The following ACACB variants were observed in gnomAD, a reference collection of about 807,000 sequenced individuals.
The protein encoded by ACACB is acetyl-CoA carboxylase beta.
ACACB carries 209 observed loss-of-function variants against 278.8 expected under a neutral mutation model. The observed-to-expected ratio is 0.75, with a 90% CI of 0.67 to 0.84. ACACB has a LOEUF of 0.84. ACACB is among the 40% of genes least tolerant of loss of function. ACACB has a pLI of 0.00. For missense variants in ACACB, 2,850 were observed against 3,269.0 expected, an observed-to-expected ratio of 0.87 and a Z score of 3.13; for synonymous variants, 1,174 against 1,285.6, an observed-to-expected ratio of 0.91 and a Z score of 1.86.
intron 2 of ACACB, among the ~76,000 whole-genome samples, chr12:109,142,188 A>C (rs911556926): frequency 2.6e-5 from 4 of 152,294 alleles, no homozygotes; most frequent in South Asian, 4.1e-4. Flanking sequence ...GTTTGTGGTT[A>C]TAGTGAGCTA....
At chr12:109,187,210 C>G (rs1238124412) in intron 12 of ACACB, among the ~76,000 whole-genome samples, 3 of 152,034 alleles carry the variant, frequency 2.0e-5, no homozygotes, top group Non-Finnish European at 4.4e-5. Context: ...TGGCCTCTTC[C>G]CTAGCAGCAA....
intron 20 of ACACB, 99 bp from the exon 21 acceptor site, chr12:109,209,066 G>A: frequency 7.5e-7 from 1 of 1,339,392 alleles, no homozygotes; most frequent in Non-Finnish European, 1.0e-6. Context: ...TTGAGTGCAT[G>A]GGGTCAGGAT....
intron 11 of ACACB, among the ~76,000 whole-genome samples, chr12:109,185,188 C>G (rs1192962144): frequency 6.6e-6 from 1 of 152,184 alleles, no homozygotes; most frequent in African/African-American, 2.4e-5. Flanking sequence ...CTACTTTTTA[C>G]CCATTCTTCA....
chr12:109,133,825 C>T (rs1380572130), intron 1 of ACACB, among the ~76,000 whole-genome samples: 4 of 106,340 alleles, frequency 3.8e-5, no homozygotes, highest in African/African-American at 1.3e-4. Flanking sequence ...GGTTGGTGCT[C>T]AATGTGTGTG....
intron 13 of ACACB, among the ~76,000 whole-genome samples, chr12:109,191,165 C>T (rs4766538): frequency 0.45 from 67,874 of 151,072 alleles, 16,553 homozygotes; most frequent in Middle Eastern, 0.66. Flanking sequence ...TAAACCCTGG[C>T]GCTGATTCAA....
rs867611491 is a variant in ACACB, at chr12:109,140,296, T to A, written c.653+238T>A. On this transcript the variant is annotated intron_variant, in intron 2 of 52. Transcript: ENST00000338432. Reference sequence around the variant, plus strand: ...TTTCCTTCCTTCCTTCCTTCCTTCCTTCCTTCCTTCCTTCCTTCCTTCCTT... The same window carrying A: ...TTTCCTTCCTTCCTTCCTTCCTTCCATCCTTCCTTCCTTCCTTCCTTCCTT... 1.1e-3 allele frequency among the ~76,000 whole-genome samples: 126 copies of A among 116,428 alleles called. 4 individuals are homozygous for A. Among genetic ancestry groups the A allele is most frequent in the African/African-American group, 3.5e-3 (96 of 27,476 alleles). The allele number at this position is 116,428 out of a possible 152,430, so 76.4% of individuals were successfully genotyped here.
At chr12:109,258,863 C>A in intron 46 of ACACB, 110 bp from the exon 47 acceptor site, 1 of 1,412,056 alleles carries the variant, frequency 7.1e-7, no homozygotes, top group Non-Finnish European at 9.8e-7. Flanking sequence ...GGTGCTGGGG[C>A]CAGCACAGAT....
At chr12:109,154,686 G>C (rs957600832) in intron 2 of ACACB, 1 of 152,388 alleles carries the variant, frequency 6.6e-6, no homozygotes, top group Non-Finnish European at 1.5e-5. Flanking sequence ...GGTGCATTTC[G>C]GGATGGAGCA....
intron 20 of ACACB, among the ~76,000 whole-genome samples, chr12:109,207,472 C>T (rs1053420508): frequency 3.9e-5 from 6 of 152,162 alleles, no homozygotes; most frequent in African/African-American, 1.4e-4. Context: ...CACCTCTGTT[C>T]GTCATTCACC....
chr12:109,210,622 A>C (rs1420774996), intron 21 of ACACB, among the ~76,000 whole-genome samples: 1 of 150,244 alleles, frequency 6.7e-6, no homozygotes, highest in African/African-American at 2.4e-5. Context: ...ATTTTTTAAG[A>C]ATTATACTGA....
At chr12:109,220,537 T>C (rs1429818051) in intron 24 of ACACB, among the ~76,000 whole-genome samples, 1 of 151,160 alleles carries the variant, frequency 6.6e-6, no homozygotes, top group Non-Finnish European at 1.5e-5. Flanking sequence ...AAAATGGTGT[T>C]GTTGTTGTTG....
chr12:109,172,877 T>C (rs2044163761), intron 6 of ACACB, among the ~76,000 whole-genome samples: 1 of 152,216 alleles, frequency 6.6e-6, no homozygotes, highest in African/African-American at 2.4e-5. Flanking sequence ...CGAATGTTTA[T>C]TGCAGCACTA....
At chr12:109,205,430 T>G (rs1224550822) in intron 19 of ACACB, among the ~76,000 whole-genome samples, 1 of 151,194 alleles carries the variant, frequency 6.6e-6, no homozygotes, top group Non-Finnish European at 1.5e-5. Context: ...GATCAGATTG[T>G]GTAGGGGAAA....
At chr12:109,219,293 C>G (rs1001080813) in intron 24 of ACACB, among the ~76,000 whole-genome samples, 1 of 152,124 alleles carries the variant, frequency 6.6e-6, no homozygotes, top group African/African-American at 2.4e-5. Flanking sequence ...TACCCTGTCC[C>G]CTGTCCAAGT....
Position 109,242,518 on chromosome 12 carries a change from C to T in ACACB, c.5104C>T (p.Leu1702Phe), listed in dbSNP as rs2136679687. 6.2e-7 allele frequency: 1 copy of T among 1,614,190 alleles called. No homozygotes were observed. The highest frequency in any genetic ancestry group is 1.6e-4 in the Middle Eastern group (1 of 6,062). ...INTPYVTKDLLQAKRFQAQTL... is the reference protein window; with the variant it reads ...INTPYVTKDLFQAKRFQAQTL... The stretch of plus-strand genomic sequence containing the variant: ...TACTCCCTACGTCACCAAGGATCTG[C>T]TCCAGGCCAAGCGATTCCAGGCCCA... The change falls in exon 37 of 53, where the codon CTC becomes TTC. Residue 1702 changes from leucine (L) to phenylalanine (F), a missense_variant. By Grantham distance (22) the Leu-to-Phe change is conservative. This residue lies in a region of ACACB where 2,265 missense variants were observed against 2,561.3 expected (regional missense o/e 0.88). Transcript: ENST00000338432.
At chr12:109,190,680 T>C (rs139279980) in intron 13 of ACACB, among the ~76,000 whole-genome samples, 10 of 152,054 alleles carry the variant, frequency 6.6e-5, no homozygotes, top group African/African-American at 2.2e-4. Context: ...CAGGCTGGAG[T>C]GCAATGGTGT....
At chr12:109,238,469 ATAAT>A (rs1431588976) in intron 34 of ACACB, among the ~76,000 whole-genome samples, 4 of 101,608 alleles carry the variant, frequency 3.9e-5, no homozygotes, top group Non-Finnish European at 8.5e-5. Context: ...AATATAATAT[ATAAT>A]ATGTTATATA....
chr12:109,259,116 C>T lies in ACACB; in HGVS notation c.6496+8C>T. On this transcript the variant is annotated splice_region_variant and intron_variant, in intron 47 of 52. Transcript: ENST00000338432. ...TCTCCGGTGGCATGAAAGGTAAGCCCCTCCCTGCCTATGTTACCCCAAAGC... is the reference window on the plus strand; with the variant it reads ...TCTCCGGTGGCATGAAAGGTAAGCCTCTCCCTGCCTATGTTACCCCAAAGC... 1 of 1,613,524 alleles carries T rather than the reference C, an allele frequency of 6.2e-7. No individual in the cohort carries two copies. The highest frequency in any genetic ancestry group is 8.5e-7 in the Non-Finnish European group (1 of 1,179,736).
At chr12:109,175,840 A>G (rs775380149) in intron 7 of ACACB, 91 bp from the exon 8 acceptor site, 20 of 1,076,490 alleles carry the variant, frequency 1.9e-5, no homozygotes, top group Admixed American at 7.5e-5. Context: ...CAGGTCTAGC[A>G]CTATGTCAGC....
Sources: allele counts gnomAD v4.1 joint callset (sites outside exome capture counted in the v4.1 genomes callset), GRCh38; gene constraint gnomAD v4.1.1; regional missense constraint gnomAD v4.1.1; transcripts MANE v1.5; gene names NCBI Gene and HGNC (gene_info 2026-07-23, HGNC 2026-07-21).